THOC7: variants seen among roughly 807,000 people sequenced by gnomAD.
The protein encoded by THOC7 is THO complex subunit 7.
A neutral mutation model predicts 33.1 loss-of-function variants in THOC7; 22 were observed. The observed-to-expected ratio is 0.66, with a 90% CI of 0.47 to 0.95. The LOEUF is 0.95. THOC7 is among the 40% of genes least tolerant of loss of function. THOC7 has a pLI of 0.00. For synonymous variants in THOC7, 77 were observed against 76.8 expected, an observed-to-expected ratio of 1.00 and a Z score of -0.01; for missense variants, 184 against 245.3, an observed-to-expected ratio of 0.75 and a Z score of 1.67.
intron 1 of THOC7, among the ~76,000 whole-genome samples, chr3:63,850,125 C>A (rs1298377690): frequency 6.6e-6 from 1 of 152,172 alleles, no homozygotes; most frequent in African/African-American, 2.4e-5. Context: ...ATGCCTACTT[C>A]TTTCCCTTGA....
intron 4 of THOC7, among the ~76,000 whole-genome samples, chr3:63,837,220 C>T (rs994334256): frequency 6.6e-6 from 1 of 151,834 alleles, no homozygotes; most frequent in Non-Finnish European, 1.5e-5. Flanking sequence ...AACAAAACAA[C>T]ACAAAAACAG....
upstream of THOC7, chr3:63,864,386 G>A (rs1239855327): frequency 6.6e-6 from 1 of 152,072 alleles, no homozygotes; most frequent in Non-Finnish European, 1.5e-5. Flanking sequence ...ACCGAGGGGG[G>A]CGCGTCGCTG....
chr3:63,846,555 C>T (rs946166414), intron 1 of THOC7, among the ~76,000 whole-genome samples: 1 of 152,056 alleles, frequency 6.6e-6, no homozygotes, highest in African/African-American at 2.4e-5. Context: ...TTACAGGCAC[C>T]CACCACCACG....
At chr3:63,839,339 C>T (rs771944563) in intron 2 of THOC7, among the ~76,000 whole-genome samples, 1 of 152,168 alleles carries the variant, frequency 6.6e-6, no homozygotes, top group Non-Finnish European at 1.5e-5. Flanking sequence ...TAGCAGCAGC[C>T]TTTTATTAGC....
rs769549504 is a variant in THOC7 at position 63,836,306 on chromosome 3, T to G, written c.405A>C (p.Thr135=). Residue 135 remains threonine, a synonymous_variant, in exon 5 of 8, where the codon ACA becomes ACC. Coordinates refer to ENST00000295899, the MANE Select transcript of THOC7 (RefSeq NM_025075.4). ...AAGTAAAGCTCTACACTTACTTTAA[T>G]GTCTCATGCCTGTCTGGATGGTGCT... is the stretch of plus-strand genomic sequence containing the variant. ...VIQHHPDRHE[T]LKELEALGKE... is the part of the protein sequence containing the mutation. 3 of 1,612,494 alleles carry G rather than the reference T, an allele frequency of 1.9e-6. No individual in the cohort carries two copies. The South Asian group carries it at 3.3e-5, about 18-fold the overall frequency.
chr3:63,834,164 C>T lies in THOC7; in HGVS notation c.583G>A (p.Glu195Lys), dbSNP rs761365116. 2 of 1,614,048 alleles carry T rather than the reference C, an allele frequency of 1.2e-6. No individual in the cohort carries two copies. The highest frequency in any genetic ancestry group is 1.7e-6 in the Non-Finnish European group (2 of 1,180,000). ...TTAGGATCTGTTTCCATGCTTGCTT[C>T]CTGAGCTTCTTCTACCTCTGAGAGT... The part of the protein sequence containing the change: ...EKLSEVEEAQ[E>K]ASMETDPKP The change falls in exon 8 of 8, where the codon GAA becomes AAA. Residue 195 changes from glutamate (E) to lysine (K), a missense_variant. Transcript: ENST00000295899.
At chr3:63,859,067 C>G (rs1381863325) in intron 1 of THOC7, among the ~76,000 whole-genome samples, 1 of 152,184 alleles carries the variant, frequency 6.6e-6, no homozygotes, top group Admixed American at 6.5e-5. Context: ...GGTACTGGTA[C>G]TCCTCCAAGA....
intron 1 of THOC7, among the ~76,000 whole-genome samples, chr3:63,847,496 G>A (rs1402468358): frequency 6.6e-6 from 1 of 152,202 alleles, no homozygotes; most frequent in African/African-American, 2.4e-5. Flanking sequence ...CCAGCACTTT[G>A]GGAGGCAGAG....
chr3:63,863,842 T>TGGCGGCGGCGGAGGTC, upstream of THOC7: 4 of 1,214,972 alleles, frequency 3.3e-6, no homozygotes, highest in Non-Finnish European at 4.1e-6. Context: ...AGGCGGCGGT[T>TGGCGGCGGCGGAGGTC]GGCGGCGGCG....
intron 1 of THOC7, 71 bp downstream of exon 1, chr3:63,863,701 G>T: frequency 8.0e-7 from 1 of 1,242,566 alleles, no homozygotes; most frequent in Non-Finnish European, 1.0e-6. Context: ...AGCGGGCCGG[G>T]AGGCCAGGGG....
intron 1 of THOC7, among the ~76,000 whole-genome samples, chr3:63,855,549 G>T (rs1366889287): frequency 6.6e-6 from 1 of 152,128 alleles, no homozygotes; most frequent in Non-Finnish European, 1.5e-5. Flanking sequence ...TTTTAGCTGT[G>T]CTCTCATTTT....
intron 1 of THOC7, among the ~76,000 whole-genome samples, chr3:63,859,171 G>C (rs1702163424): frequency 6.6e-6 from 1 of 152,154 alleles, no homozygotes; most frequent in South Asian, 2.1e-4. Flanking sequence ...CTCTCATCTG[G>C]AATATTTTGC....
intron 1 of THOC7, among the ~76,000 whole-genome samples, chr3:63,853,048 G>T (rs1702046833): frequency 1.3e-5 from 2 of 151,970 alleles, no homozygotes; most frequent in Admixed American, 1.3e-4. Flanking sequence ...CTACTCGGGA[G>T]GCTGAGACAG....
chr3:63,846,192 T>A (rs1303565134), intron 1 of THOC7: 2 of 452,636 alleles, frequency 4.4e-6, no homozygotes, highest in Admixed American at 4.8e-5. Flanking sequence ...ATATTCAGTC[T>A]GCTTTGTCTG....
At position 63,863,582 on chromosome 3, in the gene THOC7, A is replaced by G. The variant is rs549394550; in HGVS notation, c.19+190T>C. On this transcript the variant is annotated intron_variant, in intron 1 of 7. Transcript: ENST00000295899. ...CGAGGGGCGCTCGGGCTCTGGCGAG[A>G]GGAGGAAGGACTCAGGGAAGCAGCC... 100 of 1,197,126 alleles carry G rather than the reference A, an allele frequency of 8.4e-5. 2 individuals are homozygous for G. Among genetic ancestry groups the G allele is most frequent in the East Asian group, 4.2e-4 (12 of 28,594 alleles). 74.2% of individuals were successfully genotyped at this position (1,197,126 alleles called of 1,614,324 possible).
At chr3:63,842,764 A>C (rs1363332087) in intron 1 of THOC7, among the ~76,000 whole-genome samples, 3 of 152,114 alleles carry the variant, frequency 2.0e-5, no homozygotes, top group Non-Finnish European at 4.4e-5. Flanking sequence ...ATAAGTACAC[A>C]CTTGTGTAGT....
At chr3:63,847,557 C>T (rs1034546807) in intron 1 of THOC7, among the ~76,000 whole-genome samples, 5 of 152,028 alleles carry the variant, frequency 3.3e-5, no homozygotes, top group Admixed American at 6.6e-5. Flanking sequence ...GCCAACAAGG[C>T]GAAACCCTGT....
At chr3:63,845,118 C>T (rs1253547408) in intron 1 of THOC7, 8 of 679,958 alleles carry the variant, frequency 1.2e-5, no homozygotes, top group Non-Finnish European at 2.1e-5. Flanking sequence ...GTGGGGGGTA[C>T]TATCTCCTTC....
chr3:63,849,115 T>C (rs970856276), intron 1 of THOC7, among the ~76,000 whole-genome samples: 14 of 152,142 alleles, frequency 9.2e-5, no homozygotes, highest in African/African-American at 2.9e-4. Context: ...CACCTGGGCA[T>C]GGTGGCTCAC....
Sources: allele counts gnomAD v4.1 joint callset (sites outside exome capture counted in the v4.1 genomes callset), GRCh38; gene constraint gnomAD v4.1.1; transcripts MANE v1.5; gene names NCBI Gene and HGNC (gene_info 2026-07-23, HGNC 2026-07-21).